The following TMEM43 variants were observed in gnomAD, a reference collection of about 807,000 sequenced individuals.
TMEM43 encodes arrhythmogenic right ventricular dysplasia 5.
In TMEM43, 45 loss-of-function variants were observed where a neutral mutation model predicts 49.6. The observed-to-expected ratio is 0.91, with a 90% CI of 0.71 to 1.16. The LOEUF is 1.16. Ranked by LOEUF, TMEM43 falls within the 50% of genes most tolerant of loss-of-function variation. The probability of loss-of-function intolerance (pLI) is 0.00; values close to 1 mark genes in which losing one functional copy is unlikely to be tolerated. For missense variants in TMEM43, 532 were observed against 516.6 expected (o/e 1.03, Z -0.29); for synonymous variants, 199 against 207.8 (o/e 0.96, Z 0.36).
Position 14,132,907 on chromosome 3 carries a change from G to C in TMEM43, c.484G>C (p.Asp162His). The C allele has an allele frequency of 6.2e-7, 1 of 1,613,876 alleles. No homozygotes were observed. Among genetic ancestry groups the C allele is most frequent in the Non-Finnish European group, 8.5e-7 (1 of 1,179,930 alleles). The stretch of plus-strand genomic sequence containing the variant: ...AGAAATCATCAACAGCAAAAACTTC[G>C]ACCGAGAGATTGGCCACAAAAACCC... ...RSEIINSKNF[D>H]REIGHKNPSA... is the part of the protein sequence containing the mutation. The change falls in exon 6 of 12, where the codon GAC becomes CAC. Residue 162 changes from aspartate to histidine, a missense_variant. Asp to His is a moderately conservative substitution (Grantham distance 81). Transcript: ENST00000306077.
At position 14,143,581 on chromosome 3, in the gene TMEM43, G is replaced by A. The variant is rs1039899210; in HGVS notation, c.*1786G>A. The A allele has an allele frequency of 6.6e-6, 1 of 152,154 alleles. No individual in the cohort carries two copies. Among genetic ancestry groups the A allele is most frequent in the African/African-American group, 2.4e-5 (1 of 41,442 alleles). The allele number at this position is 152,154 out of a possible 1,614,324, so 9.4% of individuals were successfully genotyped here. A position where few individuals can be genotyped will look rare whatever the true frequency, so the allele number is the denominator to read the frequency against. ...CCGACTTCAAAAGTGTTCTTAAAAC[G>A]AAAGATAATGTTAAGAAAAATTTGA... is the stretch of plus-strand genomic sequence containing the variant. On this transcript the variant is annotated 3_prime_UTR_variant, in exon 12 of 12. Coordinates refer to ENST00000306077, the MANE Select transcript of TMEM43 (RefSeq NM_024334.3).
Position 14,125,057 on chromosome 3 carries a change from A to T in TMEM43, c.-137A>T. 1 of 1,136,990 alleles carries T rather than the reference A, an allele frequency of 8.8e-7. No homozygotes were observed. The highest frequency in any genetic ancestry group is 1.3e-6 in the Non-Finnish European group (1 of 776,024). The allele number at this position is 1,136,990 out of a possible 1,614,324, so 70.4% of individuals were successfully genotyped here. A position where few individuals can be genotyped will look rare whatever the true frequency, so the allele number is the denominator to read the frequency against. ...GGGCACAGGGGGAGGTAACTGCAGT[A>T]AGTCCCGCTTGGCCCTGGAGTCCAC... On this transcript the variant is annotated 5_prime_UTR_variant, in exon 1 of 12. Coordinates refer to ENST00000306077, the MANE Select transcript of TMEM43 (RefSeq NM_024334.3).
chr3:14,135,039 G>A (rs1316770478), intron 8 of TMEM43, 119 bp from the exon 9 acceptor site: 1 of 1,486,198 alleles, frequency 6.7e-7, no homozygotes, highest in African/African-American at 1.4e-5. Flanking sequence ...TGACGGCACA[G>A]CCTGGGCACG....
intron 11 of TMEM43, among the ~76,000 whole-genome samples, chr3:14,140,431 C>A (rs1331334021): frequency 1.3e-5 from 2 of 152,076 alleles, no homozygotes; most frequent in Non-Finnish European, 2.9e-5. Flanking sequence ...TGTGGAGGGA[C>A]CCCCAGGGTG....
Position 14,125,222 on chromosome 3 carries a change from C to T in TMEM43, c.12+17C>T. 6.2e-7 allele frequency: 1 copy of T among 1,604,972 alleles called. No homozygotes were observed. The highest frequency in any genetic ancestry group is 8.5e-7 in the Non-Finnish European group (1 of 1,176,750). ...GCCGCGAATGTGAGTATCCCCGGGC[C>T]AGCCGGGCCACACCCAGGCTTCCCC... On this transcript the variant is annotated intron_variant, in intron 1 of 11. Transcript: ENST00000306077.
In TMEM43 at chr3:14,134,722, A is replaced by G. The variant is rs898721380; in HGVS notation, c.584-48A>G. On this transcript the variant is annotated intron_variant, in intron 7 of 11. Coordinates refer to ENST00000306077, the MANE Select transcript of TMEM43 (RefSeq NM_024334.3). ...GTCAGGCCAGGGACTTTGCAGATTGAGGTTTTCACCTGGTCCCCTGGGTTT... is the reference window on the plus strand; with the variant it reads ...GTCAGGCCAGGGACTTTGCAGATTGGGGTTTTCACCTGGTCCCCTGGGTTT... The G allele has an allele frequency of 1.9e-6, 3 of 1,613,166 alleles. No homozygotes were observed. The African/African-American group carries it at 4.0e-5, about 22-fold the overall frequency.
intron 4 of TMEM43, 91 bp from the exon 5 acceptor site, chr3:14,132,455 G>A (rs746143269): frequency 7.4e-7 from 1 of 1,358,572 alleles, no homozygotes; most frequent in Admixed American, 1.7e-5. Flanking sequence ...TGATCTGGTA[G>A]CCCTGAGGTT....
At chr3:14,141,314 C>T (rs2124996875) in intron 11 of TMEM43, among the ~76,000 whole-genome samples, 1 of 152,358 alleles carries the variant, frequency 6.6e-6, no homozygotes. Context: ...CTACTCTCCA[C>T]ATAAAGTATT....
Position 14,130,915 on chromosome 3 carries a change from G to A in TMEM43, c.256G>A (p.Gly86Arg). 6.2e-7 allele frequency: 1 copy of A among 1,613,544 alleles called. No individual in the cohort carries two copies. The highest frequency in any genetic ancestry group is 1.7e-5 in the Admixed American group (1 of 59,996). Reference sequence around the variant, plus strand: ...CCACAGTGTGGCTCCGGAGAATGAAGGAAGGCTGGTGCACATCATTGGCGC... The same window carrying A: ...CCACAGTGTGGCTCCGGAGAATGAAAGAAGGCTGGTGCACATCATTGGCGC... ...SIHSVAPENE[G>R]RLVHIIGALR... The change falls in exon 3 of 12, where the codon GGA becomes AGA. Residue 86 changes from glycine to arginine, a missense_variant. Physicochemically the swap from Gly to Arg is moderately radical, Grantham distance 125. Coordinates refer to ENST00000306077, the MANE Select transcript of TMEM43 (RefSeq NM_024334.3).
Position 14,141,708 on chromosome 3 carries a change from A to C in TMEM43, c.1116A>C (p.Arg372=), listed in dbSNP as rs1574942161. 2 of 1,613,224 alleles carry C rather than the reference A, an allele frequency of 1.2e-6. No homozygotes were observed. Among genetic ancestry groups the C allele is most frequent in the African/African-American group, 1.3e-5 (1 of 74,604 alleles). ...TGGCGGCTGGCTGGCTCTTCTACCG[A>C]CCCCTGTGGGCCCTCCTCATTGCCG... The part of the protein sequence containing the change: ...LTVAAGWLFY[R]PLWALLIAGL... Residue 372 remains arginine (R), a synonymous_variant, in exon 12 of 12, where the codon CGA becomes CGC. Coordinates refer to ENST00000306077, the MANE Select transcript of TMEM43 (RefSeq NM_024334.3).
chr3:14,133,654 G>T, intron 6 of TMEM43, 85 bp from the exon 7 acceptor site: 1 of 1,301,990 alleles, frequency 7.7e-7, no homozygotes. Flanking sequence ...CCCGGGTGGG[G>T]ACCCTGCCCA....
At chr3:14,139,848 G>A (rs1695224707) in intron 11 of TMEM43, among the ~76,000 whole-genome samples, 2 of 152,180 alleles carry the variant, frequency 1.3e-5, no homozygotes, top group Non-Finnish European at 2.9e-5. Context: ...GCCACTCCTT[G>A]ACCTGAGGTT....
chr3:14,136,054 A>G (rs1443031743), intron 10 of TMEM43, 146 bp downstream of exon 10: 8 of 784,326 alleles, frequency 1.0e-5, no homozygotes, highest in Admixed American at 2.0e-5. Flanking sequence ...AGTATGCCTC[A>G]TCAAAGTGTT....
At position 14,134,778 on chromosome 3, in the gene TMEM43, G is replaced by A. The variant is rs1383512011; in HGVS notation, c.592G>A (p.Asp198Asn). The A allele has an allele frequency of 5.0e-6, 8 of 1,614,094 alleles. No individual in the cohort carries two copies. The highest frequency in any genetic ancestry group is 2.2e-5 in the South Asian group (2 of 91,070). ...GRFFLSSGLIDKVDNFKSLSL... is the reference protein window; with the variant it reads ...GRFFLSSGLINKVDNFKSLSL... ...CACTCTGGTCCCCTCAGGCCTCATC[G>A]ACAAAGTCGACAACTTCAAGTCCCT... The change falls in exon 8 of 12, where the codon GAC (aspartate) becomes AAC (asparagine). Residue 198 changes from aspartate to asparagine, a missense_variant. Asp to Asn is a conservative substitution (Grantham distance 23, BLOSUM62 1). Transcript: ENST00000306077.
In TMEM43 at chr3:14,129,412, T is replaced by C. The variant is rs727505249; in HGVS notation, c.13T>C (p.Tyr5His). 7.4e-6 allele frequency: 12 copies of C among 1,611,960 alleles called. No homozygotes were observed. The highest frequency in any genetic ancestry group is 1.0e-5 in the Non-Finnish European group (12 of 1,178,816). Residue 5 changes from tyrosine (Y) to histidine (H), a missense_variant and splice_region_variant, in exon 2 of 12, where the codon TAT (tyrosine) becomes CAT (histidine). Transcript: ENST00000306077. The stretch of plus-strand genomic sequence containing the variant: ...TCTGTTACTGTTTCTTTTTCTTCAG[T>C]ATTCCAGTACCAGTACCCGGAGAGA... MAAN[Y>H]SSTSTRREHV...
chr3:14,127,688 T>A (rs1695037866), intron 1 of TMEM43, among the ~76,000 whole-genome samples: 1 of 152,218 alleles, frequency 6.6e-6, no homozygotes, highest in African/African-American at 2.4e-5. Context: ...TTGTCATCAT[T>A]GTGATGGTCA....
chr3:14,133,222 G>T (rs1475872669), intron 6 of TMEM43, among the ~76,000 whole-genome samples: 2 of 152,238 alleles, frequency 1.3e-5, no homozygotes, highest in Non-Finnish European at 2.9e-5. Context: ...TTAATGGTTT[G>T]CCATGGGTGG....
chr3:14,135,998 G>C, intron 10 of TMEM43, 90 bp downstream of exon 10: 2 of 1,092,546 alleles, frequency 1.8e-6, no homozygotes, highest in Non-Finnish European at 2.8e-6. Flanking sequence ...ACTACCAGGG[G>C]TCATAGCCAG....
At chr3:14,139,031 C>G (rs554658150) in intron 10 of TMEM43, 149 bp from the exon 11 acceptor site, 11 of 687,120 alleles carry the variant, frequency 1.6e-5, no homozygotes, top group Non-Finnish European at 2.9e-5. Context: ...AAGGACTTAG[C>G]CCTATAGGAG....
Sources: gnomAD v4.1 joint callset for allele counts (sites outside exome capture counted in the v4.1 genomes callset) on GRCh38, gnomAD v4.1.1 for gene constraint, MANE v1.5 for transcripts, NCBI Gene and HGNC (gene_info 2026-07-23, HGNC 2026-07-21) for gene names.